Variants in ILKAP observed in about 807,000 individuals in gnomAD.
ILKAP encodes integrin-linked kinase-associated serine/threonine phosphatase 2C.
In ILKAP, 11 loss-of-function variants were observed where a neutral mutation model predicts 49.1. The ratio of observed to expected loss-of-function variants is 0.22; its 90% confidence interval spans 0.14 to 0.37. ILKAP has a LOEUF of 0.37. Ranked by LOEUF, ILKAP falls within the 10% of genes least tolerant of loss-of-function variation. The pLI is 1.00. For synonymous variants in ILKAP, 186 were observed against 192.8 expected, an observed-to-expected ratio of 0.96 and a Z score of 0.29; for missense variants, 363 against 510.8, an observed-to-expected ratio of 0.71 and a Z score of 2.79.
intron 4 of ILKAP, chr2:238,189,625 C>A (rs940568811): frequency 5.5e-5 from 18 of 329,520 alleles, no homozygotes; most frequent in South Asian, 4.2e-4. Context: ...TCTTGAGGAA[C>A]AAATGTAGGT....
intron 1 of ILKAP, among the ~76,000 whole-genome samples, chr2:238,198,027 A>G (rs906843920): frequency 3.9e-5 from 6 of 152,124 alleles, no homozygotes; most frequent in Non-Finnish European, 8.8e-5. Context: ...GCCTCCATAC[A>G]TGGGCACCCT....
chr2:238,172,957 C>T (rs988977427), intron 10 of ILKAP, among the ~76,000 whole-genome samples: 1 of 152,232 alleles, frequency 6.6e-6, no homozygotes, highest in Non-Finnish European at 1.5e-5. Flanking sequence ...GCCCTGCCCT[C>T]AGCCAGCACG....
chr2:238,197,711 C>T (rs888656514), intron 1 of ILKAP, among the ~76,000 whole-genome samples: 2 of 152,118 alleles, frequency 1.3e-5, no homozygotes, highest in Non-Finnish European at 2.9e-5. Context: ...CTGCCTATCA[C>T]CTTCTTTCTC....
chr2:238,172,651 G>C (rs539045027), intron 10 of ILKAP, among the ~76,000 whole-genome samples: 2 of 152,224 alleles, frequency 1.3e-5, no homozygotes, highest in Non-Finnish European at 2.9e-5. Context: ...GGAGAATGGG[G>C]CAGTGGCTCA....
Position 238,183,745 on chromosome 2 carries a change from G to A in ILKAP, c.627-5C>T, listed in dbSNP as rs139071680. On this transcript the variant is annotated splice_region_variant and splice_polypyrimidine_tract_variant and intron_variant, in intron 7 of 11. Coordinates refer to ENST00000254654, the MANE Select transcript of ILKAP (RefSeq NM_030768.3). ...CCATCTTTCCAGGCAGGCTTCCTGG[G>A]GGGAAACACATCAGAAACACAGTCA... The A allele has an allele frequency of 5.0e-3, 8,019 of 1,608,546 alleles. 35 individuals carry two copies. Among genetic ancestry groups the A allele is most frequent in the Middle Eastern group, 0.013 (77 of 6,036 alleles).
intron 9 of ILKAP, among the ~76,000 whole-genome samples, chr2:238,180,926 A>G (rs1693663227): frequency 6.6e-6 from 1 of 152,282 alleles, no homozygotes; most frequent in South Asian, 2.1e-4. Flanking sequence ...TCACATTCTC[A>G]GGCATGACTG....
At chr2:238,201,636 G>A (rs890540361) in intron 1 of ILKAP, among the ~76,000 whole-genome samples, 1 of 152,226 alleles carries the variant, frequency 6.6e-6, no homozygotes, top group Admixed American at 6.5e-5. Context: ...ATGAGATTCT[G>A]AGTTGCCAGG....
chr2:238,183,993 C>A lies in ILKAP; in HGVS notation c.626+27G>T. 3 of 1,404,536 alleles carry A rather than the reference C, an allele frequency of 2.1e-6. No individual in the cohort carries two copies. The South Asian group carries it at 3.5e-5, about 16-fold the overall frequency. 87.0% of individuals were successfully genotyped at this position (1,404,536 alleles called of 1,614,324 possible). A position where few individuals can be genotyped will look rare whatever the true frequency, so the allele number is the denominator to read the frequency against. ...AGGAAAACACCACACACAGTCCACT[C>A]AAACTTCATCATCAAGTTATACTTA... On this transcript the variant is annotated intron_variant, in intron 7 of 11. Coordinates refer to ENST00000254654, the MANE Select transcript of ILKAP (RefSeq NM_030768.3).
intron 3 of ILKAP, among the ~76,000 whole-genome samples, chr2:238,191,173 G>A (rs1041431321): frequency 2.0e-5 from 3 of 149,268 alleles, no homozygotes; most frequent in South Asian, 2.1e-4. Flanking sequence ...TTTTTGAGAC[G>A]GAGTCTACTC....
chr2:238,183,828 T>A, intron 7 of ILKAP, 88 bp from the exon 8 acceptor site: 1 of 1,080,080 alleles, frequency 9.3e-7, no homozygotes, highest in South Asian at 1.4e-5. Context: ...AAGTATCTTA[T>A]ATTTCAAAAT....
chr2:238,170,712 A>AC (rs751549673), intron 11 of ILKAP, 36 bp from the exon 12 acceptor site: 2 of 1,599,460 alleles, frequency 1.3e-6, no homozygotes, highest in Admixed American at 3.4e-5. Context: ...GAATGGAGTG[A>AC]CCCCGCACCC....
At chr2:238,182,288 T>C in intron 8 of ILKAP, 102 bp from the exon 9 acceptor site, 1 of 1,378,144 alleles carries the variant, frequency 7.3e-7, no homozygotes, top group Non-Finnish European at 1.0e-6. Flanking sequence ...AAGAAAACAG[T>C]TAACAATGGA....
intron 10 of ILKAP, among the ~76,000 whole-genome samples, 164 bp from the exon 11 acceptor site, chr2:238,171,188 T>G (rs1232268534): frequency 6.6e-6 from 1 of 151,002 alleles, no homozygotes; most frequent in Non-Finnish European, 1.5e-5. Context: ...AGATGGAGTT[T>G]CACTCTTGTT....
intron 7 of ILKAP, 24 bp downstream of exon 7, chr2:238,183,996 A>T: frequency 7.0e-7 from 1 of 1,427,032 alleles, no homozygotes; most frequent in East Asian, 2.3e-5. Context: ...GTCCACTCAA[A>T]CTTCATCATC....
intron 1 of ILKAP, among the ~76,000 whole-genome samples, chr2:238,197,920 ACT>A (rs751089942): frequency 1.3e-5 from 2 of 152,158 alleles, no homozygotes; most frequent in Non-Finnish European, 2.9e-5. Context: ...AAACTGAGGC[ACT>A]GAGGTCAATT....
At position 238,171,030 on chromosome 2, in the gene ILKAP, A is replaced by C. The variant is rs751875202; in HGVS notation, c.957-6T>G. 3 of 1,610,078 alleles carry C rather than the reference A, an allele frequency of 1.9e-6. No homozygotes were observed. Among genetic ancestry groups the C allele is most frequent in the Non-Finnish European group, 2.5e-6 (3 of 1,177,144 alleles). Reference sequence around the variant, plus strand: ...CACAGGCCAACAAAATGAACCTACAACACCAGGGAGAAATATAAACGGGTT... The same window carrying C: ...CACAGGCCAACAAAATGAACCTACACCACCAGGGAGAAATATAAACGGGTT... On this transcript the variant is annotated splice_region_variant and splice_polypyrimidine_tract_variant and intron_variant, in intron 10 of 11. Coordinates refer to ENST00000254654, the MANE Select transcript of ILKAP (RefSeq NM_030768.3).
intron 1 of ILKAP, among the ~76,000 whole-genome samples, chr2:238,199,365 A>G (rs1402160085): frequency 6.6e-6 from 1 of 152,170 alleles, no homozygotes; most frequent in African/African-American, 2.4e-5. Flanking sequence ...AAAAGTTGTA[A>G]TTTTCACTCC....
At chr2:238,174,210 T>C (rs976566353) in intron 9 of ILKAP, among the ~76,000 whole-genome samples, 2 of 152,212 alleles carry the variant, frequency 1.3e-5, no homozygotes, top group African/African-American at 2.4e-5. Context: ...GTATCCTGCA[T>C]AGCATCATAG....
intron 1 of ILKAP, among the ~76,000 whole-genome samples, chr2:238,202,787 T>G (rs1360843724): frequency 6.7e-6 from 1 of 149,414 alleles, no homozygotes; most frequent in Non-Finnish European, 1.5e-5. Flanking sequence ...GATGCTGAGC[T>G]CAAACCACAG....
Sources: gnomAD v4.1 joint callset for allele counts (sites outside exome capture counted in the v4.1 genomes callset) on GRCh38, gnomAD v4.1.1 for gene constraint, MANE v1.5 for transcripts, NCBI Gene and HGNC (gene_info 2026-07-23, HGNC 2026-07-21) for gene names.